PCDH15: variants seen among roughly 807,000 people sequenced by gnomAD.
PCDH15 encodes protocadherin-15.
Under a neutral mutation model 178.5 loss-of-function variants are expected in PCDH15, and 129 were observed. The observed-to-expected ratio is 0.72, with a 90% CI of 0.63 to 0.84. The LOEUF is 0.84. Ranked by LOEUF, PCDH15 falls within the 40% of genes least tolerant of loss-of-function variation. PCDH15 has a pLI of 0.00. For synonymous variants in PCDH15, 800 were observed against 732.0 expected (o/e 1.09, Z -1.50); for missense variants, 2,230 against 2,099.9 (o/e 1.06, Z -1.21).
At chr10:53,898,028 G>C (rs1195214916) in intron 26 of PCDH15, among the ~76,000 whole-genome samples, 2 of 128,514 alleles carry the variant, frequency 1.6e-5, no homozygotes, top group Non-Finnish European at 3.1e-5. Flanking sequence ...GTGCAGTGGC[G>C]TGATTTCGGC....
chr10:54,963,515 A>C (rs984324779), intron 2 of PCDH15, among the ~76,000 whole-genome samples: 3 of 152,172 alleles, frequency 2.0e-5, no homozygotes, highest in African/African-American at 7.2e-5. Context: ...GTTTTCCCTG[A>C]AACAATTCAC....
intron 2 of PCDH15, chr10:54,600,291 AG>A (rs563992893): frequency 4.4e-4 from 238 of 546,868 alleles, no homozygotes; most frequent in African/African-American, 4.2e-3. Context: ...ATGAGAAGGA[AG>A]GGAGTGATAA....
rs1290739640 is a variant in PCDH15 at position 55,156,401 on chromosome 10, T to C, written c.-80+10175A>G. Among the ~76,000 whole-genome samples the C allele has an allele frequency of 2.6e-5, 4 of 152,162 alleles. No individual in the cohort carries two copies. In the South Asian group the frequency reaches 6.2e-4, roughly 24 times the overall value. ...TAAAGCAACTGTGGCCAGTTTTCCCTAAGGCGGCCTTCTTCTAGGTTGAAT... is the reference window on the plus strand; with the variant it reads ...TAAAGCAACTGTGGCCAGTTTTCCCCAAGGCGGCCTTCTTCTAGGTTGAAT... On this transcript the variant is annotated intron_variant, in intron 2 of 5. Transcript: ENST00000458638.
chr10:53,807,428 A>G (rs1332141515), intron 37 of PCDH15, among the ~76,000 whole-genome samples: 1 of 152,172 alleles, frequency 6.6e-6, no homozygotes. Flanking sequence ...AAAAAAATGT[A>G]TTACTTTTAT....
chr10:55,325,977 T>TATGAAAAAAA, intron 2 of PCDH15, among the ~76,000 whole-genome samples: 1 of 151,952 alleles, frequency 6.6e-6, no homozygotes, highest in Non-Finnish European at 1.5e-5. Flanking sequence ...CCTACAAGTA[T>TATGAAAAAAA]ATGAAAAAAA....
At chr10:53,960,805 C>T (rs1009141967) in intron 22 of PCDH15, among the ~76,000 whole-genome samples, 1 of 152,160 alleles carries the variant, frequency 6.6e-6, no homozygotes, top group African/African-American at 2.4e-5. Context: ...GCTCACTGAT[C>T]CTTACGTGGT....
chr10:53,825,007 C>A, intron 32 of PCDH15: 1 of 1,196,644 alleles, frequency 8.4e-7, no homozygotes, highest in Admixed American at 4.2e-5. Context: ...CAAAACTTTC[C>A]TTTTAACAGT....
chr10:54,750,884 A>G (rs1946132346), intron 1 of PCDH15, among the ~76,000 whole-genome samples: 1 of 152,108 alleles, frequency 6.6e-6, no homozygotes, highest in Non-Finnish European at 1.5e-5. Flanking sequence ...AAGCAGCAAT[A>G]AAAGCTTAGT....
chr10:55,430,618 C>G (rs1265989811), intron 2 of PCDH15, among the ~76,000 whole-genome samples: 2 of 151,926 alleles, frequency 1.3e-5, no homozygotes, highest in African/African-American at 4.8e-5. Flanking sequence ...TTATTTTATT[C>G]CTTTAGTTCT....
intron 15 of PCDH15, among the ~76,000 whole-genome samples, chr10:54,130,356 A>C (rs1013024510): frequency 6.6e-6 from 1 of 152,182 alleles, no homozygotes; most frequent in Non-Finnish European, 1.5e-5. Context: ...AGAGATGCAC[A>C]TGACTGGCTC....
intron 3 of PCDH15, among the ~76,000 whole-genome samples, chr10:54,816,840 TAATGGTATGAAATACA>T (rs1952957012): frequency 6.6e-6 from 1 of 152,046 alleles, no homozygotes; most frequent in Admixed American, 6.6e-5. Flanking sequence ...AGTCACTATC[TAATGGTATGAAATACA>T]ACAGTTTTGA....
At chr10:54,742,914 T>C (rs542543235) in intron 1 of PCDH15, among the ~76,000 whole-genome samples, 1 of 152,214 alleles carries the variant, frequency 6.6e-6, no homozygotes, top group African/African-American at 2.4e-5. Context: ...TCAAATGACC[T>C]TGTGTAGAAA....
chr10:54,269,905 A>G (rs2057939967), intron 8 of PCDH15, among the ~76,000 whole-genome samples: 1 of 152,056 alleles, frequency 6.6e-6, no homozygotes, highest in Non-Finnish European at 1.5e-5. Flanking sequence ...AAAATGTTAA[A>G]TGATACACAT....
intron 15 of PCDH15, among the ~76,000 whole-genome samples, chr10:54,106,730 A>T (rs1372231719): frequency 4.6e-5 from 7 of 152,236 alleles, no homozygotes; most frequent in African/African-American, 1.7e-4. Context: ...GAGAGTTGAC[A>T]GTACAACTAG....
intron 2 of PCDH15, chr10:55,512,907 G>A (rs182506919): frequency 6.6e-6 from 1 of 152,052 alleles, no homozygotes; most frequent in Non-Finnish European, 1.5e-5. Flanking sequence ...GCAATTAAGG[G>A]AGAAATAAAT....
chr10:54,012,586 C>G (rs762915399), intron 20 of PCDH15, among the ~76,000 whole-genome samples: 32 of 152,140 alleles, frequency 2.1e-4, no homozygotes, highest in Non-Finnish European at 2.9e-4. Context: ...ATCAGGCTAA[C>G]AGTGGACCTT....
At chr10:54,277,532 T>C (rs565420077) in intron 8 of PCDH15, among the ~76,000 whole-genome samples, 1 of 151,758 alleles carries the variant, frequency 6.6e-6, no homozygotes, top group South Asian at 2.1e-4. Flanking sequence ...ACAGATATTA[T>C]TGTTTAGTAA....
rs534638433 is a variant in PCDH15 at position 54,616,117 on chromosome 10, T to C, written c.91+48055A>G. On this transcript the variant is annotated intron_variant, in intron 2 of 37. Coordinates refer to ENST00000644397, the MANE Select transcript of PCDH15 (RefSeq NM_001384140.1). ...TAAAAATGTGTTCAATTCAAAAAAG[T>C]GGCTAAGAAAAAAATTAAAAATAAA... 1.9e-3 allele frequency among the ~76,000 whole-genome samples: 290 copies of C among 152,050 alleles called. 1 individual carries two copies. Among genetic ancestry groups the C allele is most frequent in the African/African-American group, 6.8e-3 (282 of 41,506 alleles).
chr10:54,752,483 AAAAAAAAACAAAAAACAAAAAAC>A (rs1946403651), intron 1 of PCDH15, among the ~76,000 whole-genome samples: 2 of 90,034 alleles, frequency 2.2e-5, no homozygotes, highest in African/African-American at 8.7e-5. Context: ...TCTCAAAAAA[AAAAAAAAACAAAAAACAAAAAAC>A]AAAAAACAAA....
Sources: allele counts gnomAD v4.1 joint callset (sites outside exome capture counted in the v4.1 genomes callset), GRCh38; gene constraint gnomAD v4.1.1; transcripts MANE v1.5; gene names NCBI Gene and HGNC (gene_info 2026-07-23, HGNC 2026-07-21).